Variants in SMC1B observed in about 807,000 individuals in gnomAD.
SMC1B encodes the protein structural maintenance of chromosomes protein 1B.
Under a neutral mutation model 157.9 loss-of-function variants are expected in SMC1B, and 60 were observed. The ratio of observed to expected loss-of-function variants is 0.38; its 90% CI spans 0.31 to 0.47. The LOEUF is 0.47. SMC1B is among the 20% of genes least tolerant of loss of function. The probability of loss-of-function intolerance (pLI) is 0.99; values close to 1 mark genes in which losing one functional copy is unlikely to be tolerated. For missense variants in SMC1B, 1,165 were observed against 1,426.2 expected (o/e 0.82, Z 2.95); for synonymous variants, 445 against 483.0 (o/e 0.92, Z 1.03).
intron 23 of SMC1B, among the ~76,000 whole-genome samples, chr22:45,349,485 A>G (rs71328691): frequency 0.72 from 28,936 of 40,116 alleles, 11,576 homozygotes; most frequent in African/African-American, 0.77. Context: ...ACAGGCGCAC[A>G]CCACCACACC....
chr22:45,396,600 T>C lies in SMC1B; in HGVS notation c.1114-114A>G, dbSNP rs190186171. 6 of 828,838 alleles carry C rather than the reference T, an allele frequency of 7.2e-6. No individual in the cohort carries two copies. The Admixed American group carries it at 1.5e-4, about 20-fold the overall frequency. 51.3% of individuals were successfully genotyped at this position (828,838 alleles called of 1,614,324 possible). A position where few individuals can be genotyped will look rare whatever the true frequency, so the allele number is the denominator to read the frequency against. ...TTAATCTTCCCAAAAGCTTGCTTTA[T>C]ATAAATTAAATCATAATCGACCACC... On this transcript the variant is annotated intron_variant, in intron 6 of 24. Transcript: ENST00000357450.
At chr22:45,394,013 C>T (rs1855882764) in intron 8 of SMC1B, among the ~76,000 whole-genome samples, 172 bp from the exon 9 acceptor site, 1 of 152,064 alleles carries the variant, frequency 6.6e-6, no homozygotes, top group African/African-American at 2.4e-5. Context: ...AAAGATTTTG[C>T]TCATTCTTTG....
chr22:45,376,551 C>A (rs921711784), intron 12 of SMC1B, among the ~76,000 whole-genome samples: 2 of 152,076 alleles, frequency 1.3e-5, no homozygotes, highest in African/African-American at 4.8e-5. Flanking sequence ...ATATGCCCAA[C>A]ATATTCACAG....
intron 23 of SMC1B, 100 bp downstream of exon 23, chr22:45,349,628 C>G: frequency 9.2e-7 from 1 of 1,089,228 alleles, no homozygotes; most frequent in African/African-American, 1.6e-5. Context: ...GCCACCGTGC[C>G]TAGACCAAGG....
intron 12 of SMC1B, among the ~76,000 whole-genome samples, chr22:45,376,480 A>C (rs2086884810): frequency 6.6e-6 from 1 of 152,142 alleles, no homozygotes; most frequent in Non-Finnish European, 1.5e-5. Context: ...ATTGTGAATA[A>C]TGCTGCTATG....
At position 45,359,925 on chromosome 22, in the gene SMC1B, A is replaced by G. The variant is rs777412324; in HGVS notation, c.2742T>C (p.Ser914=). The G allele has an allele frequency of 6.2e-7, 1 of 1,613,742 alleles. No homozygotes were observed. The highest frequency in any genetic ancestry group is 8.5e-7 in the Non-Finnish European group (1 of 1,179,824). ...EVGKLQKEVV[S]IQTSLEQKRL... The stretch of plus-strand genomic sequence containing the variant: ...GTTTCTGTTCCAGAGAAGTTTGAAT[A>G]CTTACAACTTCTTTTTGCAATTTCC... Residue 914 remains serine (S), a synonymous_variant, in exon 18 of 25, where the codon AGT becomes AGC. Transcript: ENST00000357450.
chr22:45,386,854 C>T lies in SMC1B; in HGVS notation c.1911+13G>A, dbSNP rs903084313. On this transcript the variant is annotated intron_variant, in intron 11 of 24. Coordinates refer to ENST00000357450, the MANE Select transcript of SMC1B (RefSeq NM_148674.5). ...AACTTATCCAAAGGTGTGATCCAAGCCTCTTTTCTTACTTTCTGTCTTTCA... is the reference window on the plus strand; with the variant it reads ...AACTTATCCAAAGGTGTGATCCAAGTCTCTTTTCTTACTTTCTGTCTTTCA... 2 of 1,609,994 alleles carry T rather than the reference C, an allele frequency of 1.2e-6. No homozygotes were observed. The highest frequency in any genetic ancestry group is 1.7e-4 in the Middle Eastern group (1 of 6,036).
At chr22:45,364,361 AAAC>A (rs1248515606) in intron 15 of SMC1B, among the ~76,000 whole-genome samples, 3 of 152,228 alleles carry the variant, frequency 2.0e-5, no homozygotes, top group Non-Finnish European at 2.9e-5. Flanking sequence ...GCTAATATAA[AAAC>A]AACTATAACA....
At chr22:45,401,704 G>A (rs2087196203) in intron 5 of SMC1B, among the ~76,000 whole-genome samples, 1 of 152,204 alleles carries the variant, frequency 6.6e-6, no homozygotes, top group African/African-American at 2.4e-5. Context: ...GTACTTCACT[G>A]TGGACCAGAA....
At position 45,399,249 on chromosome 22, in the gene SMC1B, T is replaced by G. The variant is rs1342834316; in HGVS notation, c.959A>C (p.Lys320Thr). 1 of 1,614,186 alleles carries G rather than the reference T, an allele frequency of 6.2e-7. No homozygotes were observed. Among genetic ancestry groups the G allele is most frequent in the Non-Finnish European group, 8.5e-7 (1 of 1,180,010 alleles). Residue 320 changes from lysine (K) to threonine (T), a missense_variant, in exon 6 of 25, where the codon AAG becomes ACG. Physicochemically the swap from Lys to Thr is moderately conservative, Grantham distance 78 (BLOSUM62 -1). Transcript: ENST00000357450. ...KKLDVAKKSIKDSEKQCSKQE... is the reference protein window; with the variant it reads ...KKLDVAKKSITDSEKQCSKQE... Reference sequence around the variant, plus strand: ...TTTAGAACATTGTTTTTCGCTGTCCTTTATTGATTTCTTAGCCACATCTAA... The same window carrying G: ...TTTAGAACATTGTTTTTCGCTGTCCGTTATTGATTTCTTAGCCACATCTAA...
Position 45,402,530 on chromosome 22 carries a change from G to C in SMC1B, c.657C>G (p.Asn219Lys), listed in dbSNP as rs371564214. 2 of 1,613,630 alleles carry C rather than the reference G, an allele frequency of 1.2e-6. No individual in the cohort carries two copies. Among genetic ancestry groups the C allele is most frequent in the Non-Finnish European group, 1.7e-6 (2 of 1,179,870 alleles). The change falls in exon 5 of 25, where the codon AAC becomes AAG. Residue 219 changes from asparagine to lysine, a missense_variant. By Grantham distance (94) the Asn-to-Lys change is moderately conservative. Coordinates refer to ENST00000357450, the MANE Select transcript of SMC1B (RefSeq NM_148674.5). ...YQSLLEELKM[N>K]KIQLQLFQLY... ...GTTGAAAAAGCTGCAGTTGTATCTT[G>C]TTCATTTTCAGTTCTTCAAGGAGAC...
chr22:45,383,654 A>G, intron 11 of SMC1B, 41 bp from the exon 12 acceptor site: 1 of 1,517,938 alleles, frequency 6.6e-7, no homozygotes, highest in South Asian at 1.3e-5. Flanking sequence ...AAATGTACAT[A>G]AAGATACAAA....
chr22:45,364,584 T>A (rs1013834653), intron 15 of SMC1B, among the ~76,000 whole-genome samples: 1 of 152,132 alleles, frequency 6.6e-6, no homozygotes, highest in Non-Finnish European at 1.5e-5. Context: ...GATGACACAC[T>A]CAGACAGGGG....
In SMC1B at chr22:45,344,300, A is replaced by G. The variant is rs1238947192; in HGVS notation, c.*256T>C. On this transcript the variant is annotated 3_prime_UTR_variant, in exon 25 of 25. Transcript: ENST00000357450. ...ATTTCAAAATAGAAGTTAGAATTAT[A>G]GTACAAAATTGTACCTTTTGTTTGT... is the stretch of plus-strand genomic sequence containing the variant. The G allele has an allele frequency of 3.8e-6, 1 of 260,292 alleles. No homozygotes were observed. The highest frequency in any genetic ancestry group is 7.2e-6 in the Non-Finnish European group (1 of 138,852). 16.1% of individuals were successfully genotyped at this position (260,292 alleles called of 1,614,324 possible).
At chr22:45,352,239 C>CT (rs953085538) in intron 22 of SMC1B, among the ~76,000 whole-genome samples, 86 of 149,078 alleles carry the variant, frequency 5.8e-4, no homozygotes, top group Admixed American at 1.1e-3. Context: ...AAAAAAACCC[C>CT]ACTAAAAATC....
At chr22:45,359,781 T>A (rs757878947) in intron 18 of SMC1B, 24 bp downstream of exon 18, 1 of 1,607,806 alleles carries the variant, frequency 6.2e-7, no homozygotes, top group East Asian at 2.2e-5. Context: ...ACGGCACATA[T>A]TTTACAGTCA....
At chr22:45,399,404 A>G in intron 5 of SMC1B, 51 bp from the exon 6 acceptor site, 2 of 1,498,420 alleles carry the variant, frequency 1.3e-6, no homozygotes, top group Non-Finnish European at 1.8e-6. Flanking sequence ...TCTTTAATAT[A>G]TAAAGGGAAG....
Position 45,361,989 on chromosome 22 carries a change from A to G in SMC1B, c.2563-5T>C. 1.2e-6 allele frequency: 2 copies of G among 1,612,394 alleles called. No individual in the cohort carries two copies. The highest frequency in any genetic ancestry group is 1.7e-6 in the Non-Finnish European group (2 of 1,179,512). ...CTGCAGACAGTTTTCTTCAGCCTGA[A>G]CAGAGAGGATCTGCATTGTAGATTT... On this transcript the variant is annotated splice_polypyrimidine_tract_variant and splice_region_variant and intron_variant, in intron 16 of 24. Transcript: ENST00000357450.
chr22:45,374,103 T>G lies in SMC1B; in HGVS notation c.2059-1811A>C, dbSNP rs917688483. Among the ~76,000 whole-genome samples, 6 of 148,388 alleles carry G rather than the reference T, an allele frequency of 4.0e-5. No homozygotes were observed. In the South Asian group the frequency reaches 6.4e-4, roughly 16 times the overall value. On this transcript the variant is annotated intron_variant, in intron 12 of 24. Coordinates refer to ENST00000357450, the MANE Select transcript of SMC1B (RefSeq NM_148674.5). Reference sequence around the variant, plus strand: ...AAAACAAAGACGGTTTTTTTTTTTTTTTTTTTTTTTGGTAAGAAAGCTTAA... The same window carrying G: ...AAAACAAAGACGGTTTTTTTTTTTTGTTTTTTTTTTGGTAAGAAAGCTTAA...
Sources: allele counts gnomAD v4.1 joint callset (sites outside exome capture counted in the v4.1 genomes callset), GRCh38; gene constraint gnomAD v4.1.1; transcripts MANE v1.5; gene names NCBI Gene and HGNC (gene_info 2026-07-23, HGNC 2026-07-21).